Variants in PRR5L observed in about 807,000 individuals in gnomAD.
PRR5L encodes proline rich 5 like, also known as proline-rich protein 5-like.
Under a neutral mutation model 36.4 loss-of-function variants are expected in PRR5L, and 21 were observed. That is an observed-to-expected ratio of 0.58 (90% CI 0.41 to 0.83). The LOEUF (loss-of-function observed/expected upper bound fraction) is 0.83. Among genes scored for constraint, PRR5L ranks in the 40% least tolerant of loss-of-function variants. PRR5L has a pLI of 0.00. For synonymous variants in PRR5L, 188 were observed against 197.0 expected, an observed-to-expected ratio of 0.95 and a Z score of 0.38; for missense variants, 381 against 473.3, an observed-to-expected ratio of 0.80 and a Z score of 1.81.
chr11:36,368,428 A>G (rs1857166375), intron 1 of PRR5L, among the ~76,000 whole-genome samples: 1 of 152,202 alleles, frequency 6.6e-6, no homozygotes, highest in Admixed American at 6.5e-5. Context: ...AGAAAATACC[A>G]TCATTTGAGA....
intron 6 of PRR5L, among the ~76,000 whole-genome samples, chr11:36,441,263 T>C (rs1382129199): frequency 6.6e-6 from 1 of 152,120 alleles, no homozygotes; most frequent in Non-Finnish European, 1.5e-5. Flanking sequence ...GCTTGTAAAA[T>C]CAAGAATAAG....
chr11:36,331,101 T>C (rs1856714273), intron 1 of PRR5L, among the ~76,000 whole-genome samples: 1 of 152,186 alleles, frequency 6.6e-6, no homozygotes, highest in Non-Finnish European at 1.5e-5. Flanking sequence ...CCACCACACC[T>C]GGTCCACATT....
chr11:36,322,062 A>G (rs1856618733), intron 1 of PRR5L, among the ~76,000 whole-genome samples: 1 of 152,174 alleles, frequency 6.6e-6, no homozygotes, highest in Non-Finnish European at 1.5e-5. Flanking sequence ...GAGGGATGTA[A>G]TCAACCCATA....
chr11:36,345,153 C>T (rs1405993271), intron 1 of PRR5L, among the ~76,000 whole-genome samples: 1 of 151,872 alleles, frequency 6.6e-6, no homozygotes, highest in Non-Finnish European at 1.5e-5. Flanking sequence ...TGTTCTGCAC[C>T]CGGTGAGAGG....
intron 3 of PRR5L, among the ~76,000 whole-genome samples, chr11:36,416,902 G>A (rs548044260): frequency 6.6e-6 from 1 of 152,166 alleles, no homozygotes; most frequent in South Asian, 2.1e-4. Context: ...AGATGCCTGG[G>A]GCAACCTTTA....
chr11:36,409,172 A>C (rs905696332), intron 3 of PRR5L, among the ~76,000 whole-genome samples: 1 of 152,198 alleles, frequency 6.6e-6, no homozygotes, highest in Non-Finnish European at 1.5e-5. Flanking sequence ...AAGTGGGAGC[A>C]GGCAGAAAGG....
At chr11:36,366,879 C>G (rs995923800) in intron 1 of PRR5L, among the ~76,000 whole-genome samples, 1 of 152,150 alleles carries the variant, frequency 6.6e-6, no homozygotes, top group Admixed American at 6.5e-5. Context: ...AAACTCCTCT[C>G]TCCTTCTTTC....
At chr11:36,376,235 G>A (rs1857256406) in intron 1 of PRR5L, 3 of 1,268,216 alleles carry the variant, frequency 2.4e-6, no homozygotes, top group South Asian at 2.5e-5. Flanking sequence ...GAGATGGGGT[G>A]AAGTGAGTTG....
intron 6 of PRR5L, among the ~76,000 whole-genome samples, chr11:36,442,345 A>ATTT (rs59412923): frequency 6.1e-5 from 9 of 147,306 alleles, no homozygotes; most frequent in African/African-American, 1.5e-4. Context: ...GTTTCTTATA[A>ATTT]TTTTTTTTTT....
At chr11:36,307,499 C>G (rs112907097) in intron 1 of PRR5L, among the ~76,000 whole-genome samples, 10 of 152,296 alleles carry the variant, frequency 6.6e-5, no homozygotes, top group African/African-American at 2.4e-4. Flanking sequence ...CTTCTTTCCA[C>G]CTCTCTGCTC....
chr11:36,338,473 A>G (rs1856788725), intron 1 of PRR5L, among the ~76,000 whole-genome samples: 1 of 152,202 alleles, frequency 6.6e-6, no homozygotes, highest in Admixed American at 6.5e-5. Flanking sequence ...ATCTCTTCAG[A>G]TAATCACTCT....
chr11:36,410,687 C>T (rs761603996), intron 3 of PRR5L, among the ~76,000 whole-genome samples: 3 of 152,212 alleles, frequency 2.0e-5, no homozygotes, highest in South Asian at 2.1e-4. Context: ...TGCCGACACC[C>T]GAAGGGTGTG....
intron 1 of PRR5L, among the ~76,000 whole-genome samples, chr11:36,391,796 C>T (rs1335521130): frequency 6.6e-6 from 1 of 152,220 alleles, no homozygotes; most frequent in African/African-American, 2.4e-5. Flanking sequence ...GGGTATCCAT[C>T]ACTTCAAGCA....
At chr11:36,408,619 G>A (rs11033600) in intron 3 of PRR5L, among the ~76,000 whole-genome samples, 8,204 of 152,102 alleles carry the variant, frequency 0.054, 313 homozygotes, top group African/African-American at 0.11. Flanking sequence ...CCCCTCTCCA[G>A]CCTCACCCCT....
chr11:36,322,369 C>A (rs917295431), intron 1 of PRR5L, among the ~76,000 whole-genome samples: 2 of 152,032 alleles, frequency 1.3e-5, no homozygotes, highest in Non-Finnish European at 2.9e-5. Flanking sequence ...ACCATAAATT[C>A]TTGGTGAGCC....
rs2133519955 is a variant in PRR5L, at chr11:36,377,031, G to A, written c.-125-23966G>A. ...GTGGGATGCGGATGCTGGTGATCATGGGACCTAGGCTGAGCCGGGAGGTCG... is the reference window on the plus strand; with the variant it reads ...GTGGGATGCGGATGCTGGTGATCATAGGACCTAGGCTGAGCCGGGAGGTCG... On this transcript the variant is annotated intron_variant, in intron 1 of 8. Coordinates refer to ENST00000530639, the MANE Select transcript of PRR5L (RefSeq NM_001160167.2). This position sits in a 1 kb window ranked among gnomAD's most constrained non-coding sequence, Gnocchi z 5.1. Among the ~76,000 whole-genome samples, 1 of 152,252 alleles carries A rather than the reference G, an allele frequency of 6.6e-6. No homozygotes were observed. Among genetic ancestry groups the A allele is most frequent in the South Asian group, 2.1e-4 (1 of 4,820 alleles).
At chr11:36,374,867 G>C (rs1187480007) in intron 1 of PRR5L, among the ~76,000 whole-genome samples, 2 of 152,152 alleles carry the variant, frequency 1.3e-5, no homozygotes, top group Non-Finnish European at 2.9e-5. Context: ...TGGAGACCTT[G>C]CCATTTTGGC....
At chr11:36,312,712 A>C (rs981190238) in intron 1 of PRR5L, among the ~76,000 whole-genome samples, 1 of 152,252 alleles carries the variant, frequency 6.6e-6, no homozygotes, top group Non-Finnish European at 1.5e-5. Flanking sequence ...GGTATTACCC[A>C]CCTCACTATT....
At chr11:36,299,024 G>C (rs989004009) in intron 1 of PRR5L, among the ~76,000 whole-genome samples, 1 of 152,172 alleles carries the variant, frequency 6.6e-6, no homozygotes, top group African/African-American at 2.4e-5. Flanking sequence ...AAGGTCCTGG[G>C]GGTTAGGGCT....
Sources: gnomAD v4.1 joint callset for allele counts (sites outside exome capture counted in the v4.1 genomes callset) on GRCh38, gnomAD v4.1.1 for gene constraint, Gnocchi (gnomAD v3.1) non-coding constraint, MANE v1.5 for transcripts, NCBI Gene and HGNC (gene_info 2026-07-23, HGNC 2026-07-21) for gene names.